CTNNB1: variants seen among roughly 807,000 people sequenced by gnomAD.
CTNNB1 encodes the protein catenin beta 1, also known as catenin beta-1.
A neutral mutation model predicts 82.5 loss-of-function variants in CTNNB1; 6 were observed. The observed-to-expected ratio is 0.07, with a 90% CI of 0.04 to 0.14. CTNNB1 has a LOEUF of 0.14. CTNNB1 is among the 10% of genes least tolerant of loss of function. The pLI is 1.00. For synonymous variants in CTNNB1, 312 were observed against 329.7 expected (o/e 0.95, Z 0.58); for missense variants, 529 against 980.4 (o/e 0.54, Z 6.15).
intron 1 of CTNNB1, among the ~76,000 whole-genome samples, chr3:41,213,336 T>TA (rs1442347628): frequency 6.6e-6 from 1 of 152,242 alleles, no homozygotes; most frequent in Non-Finnish European, 1.5e-5. Context: ...GCTTACATGT[T>TA]ACCTTCAAGA....
At chr3:41,221,370 C>G (rs1482427189) in intron 1 of CTNNB1, 1 of 149,132 alleles carries the variant, frequency 6.7e-6, no homozygotes, top group Non-Finnish European at 1.5e-5. Flanking sequence ...TTTTAAGAGA[C>G]AGGGTCTTGC....
At chr3:41,236,826 G>C in intron 13 of CTNNB1, 117 bp downstream of exon 13, 1 of 1,384,236 alleles carries the variant, frequency 7.2e-7, no homozygotes, top group Admixed American at 1.7e-5. Context: ...TCCCTGGCTT[G>C]AGTATTTCTT....
Position 41,240,089 on chromosome 3 carries a change from TTGAG to T in CTNNB1, c.*749_*752del, listed in dbSNP as rs1283123354. 2 of 187,170 alleles carry T rather than the reference TTGAG, an allele frequency of 1.1e-5. No homozygotes were observed. Among genetic ancestry groups the T allele is most frequent in the East Asian group, 7.4e-5 (1 of 13,444 alleles). The allele number at this position is 187,170 out of a possible 1,614,324, so 11.6% of individuals were successfully genotyped here. ...TACAGCAATTTCTAATTTTTAAGAA[TTGAG>T]TAATGGTGTAGAACACTAATTCATA... is the stretch of plus-strand genomic sequence containing the variant. On this transcript the variant is annotated 3_prime_UTR_variant, in exon 15 of 15. Coordinates refer to ENST00000349496, the MANE Select transcript of CTNNB1 (RefSeq NM_001904.4).
chr3:41,224,666 C>G lies in CTNNB1; in HGVS notation c.154C>G (p.Pro52Ala). 1 of 1,613,922 alleles carries G rather than the reference C, an allele frequency of 6.2e-7. No homozygotes were observed. The highest frequency in any genetic ancestry group is 8.5e-7 in the Non-Finnish European group (1 of 1,179,968). Residue 52 changes from proline to alanine, a missense_variant, in exon 3 of 15, where the codon CCT becomes GCT. Physicochemically the swap from Pro to Ala is conservative, Grantham distance 27. Transcript: ENST00000349496. ...TAPSLSGKGNPEEEDVDTSQV... is the reference protein window; with the variant it reads ...TAPSLSGKGNAEEEDVDTSQV... The stretch of plus-strand genomic sequence containing the variant: ...TCCTTCTCTGAGTGGTAAAGGCAAT[C>G]CTGAGGAAGAGGATGTGGATACCTC...
At chr3:41,222,408 T>C (rs924623232) in intron 1 of CTNNB1, 15 of 152,352 alleles carry the variant, frequency 9.8e-5, no homozygotes, top group African/African-American at 3.1e-4. Flanking sequence ...TTTACTTCTC[T>C]ATCTACTGAT....
At position 41,239,429 on chromosome 3, in the gene CTNNB1, G is replaced by GTAGGGTGGGAGTGGTT. The variant is rs2078521131; in HGVS notation, c.*92_*107dup. On this transcript the variant is annotated 3_prime_UTR_variant, in exon 15 of 15. Coordinates refer to ENST00000349496, the MANE Select transcript of CTNNB1 (RefSeq NM_001904.4). ...ACAGAACTTCAGAAAGACTTGGTTG[G>GTAGGGTGGGAGTGGTT]TAGGGTGGGAGTGGTTTAGGCTATT... 2.4e-6 allele frequency: 3 copies of GTAGGGTGGGAGTGGTT among 1,242,800 alleles called. No individual in the cohort carries two copies. Among genetic ancestry groups the GTAGGGTGGGAGTGGTT allele is most frequent in the Non-Finnish European group, 3.5e-6 (3 of 869,400 alleles). The allele number at this position is 1,242,800 out of a possible 1,614,324, so 77.0% of individuals were successfully genotyped here.
In CTNNB1 at chr3:41,225,816, G is replaced by A. The variant is rs370662884; in HGVS notation, c.891G>A (p.Thr297=). The A allele has an allele frequency of 8.0e-5, 129 of 1,613,824 alleles. No homozygotes were observed. Among genetic ancestry groups the A allele is most frequent in the Middle Eastern group, 1.7e-4 (1 of 6,056 alleles). Residue 297 remains threonine (T), a synonymous_variant, in exon 6 of 15, where the codon ACG becomes ACA. Coordinates refer to ENST00000349496, the MANE Select transcript of CTNNB1 (RefSeq NM_001904.4). This position sits in a 1 kb window ranked among gnomAD's most constrained non-coding sequence, Gnocchi z 5.3. ...CAAATGTTAAATTCTTGGCTATTAC[G>A]ACAGACTGCCTTCAAATTTTAGCTT... The part of the protein sequence containing the change: ...NKTNVKFLAI[T]TDCLQILAYG...
At position 41,240,338 on chromosome 3, in the gene CTNNB1, A is replaced by AC. The variant is rs1412383992; in HGVS notation, c.*998dup. Reference sequence around the variant, plus strand: ...TTTGGAACCTTGTTTTGGACAGTTTACCAGTTGCCTTTTATCCCAAAGTTG... The same window carrying AC: ...TTTGGAACCTTGTTTTGGACAGTTTACCCAGTTGCCTTTTATCCCAAAGTTG... On this transcript the variant is annotated 3_prime_UTR_variant, in exon 15 of 15. Transcript: ENST00000349496. 5.3e-6 allele frequency: 1 copy of AC among 189,976 alleles called. No homozygotes were observed. Among genetic ancestry groups the AC allele is most frequent in the Non-Finnish European group, 1.1e-5 (1 of 90,180 alleles). 11.8% of individuals were successfully genotyped at this position (189,976 alleles called of 1,614,324 possible).
chr3:41,222,684 A>G (rs2078076800), intron 1 of CTNNB1, among the ~76,000 whole-genome samples: 1 of 152,226 alleles, frequency 6.6e-6, no homozygotes, highest in Non-Finnish European at 1.5e-5. Context: ...TGCATCAACA[A>G]CAAGGAAAAA....
chr3:41,216,916 G>A (rs2077928670), intron 1 of CTNNB1, among the ~76,000 whole-genome samples: 1 of 151,946 alleles, frequency 6.6e-6, no homozygotes, highest in African/African-American at 2.4e-5. Flanking sequence ...GACAACTACA[G>A]TAACCTCCTA....
chr3:41,228,408 C>T (rs940696109), intron 7 of CTNNB1, among the ~76,000 whole-genome samples: 7 of 152,092 alleles, frequency 4.6e-5, no homozygotes, highest in African/African-American at 1.7e-4. Flanking sequence ...TATTAGTAGC[C>T]ATTCTAACTG....
chr3:41,224,877 C>T, intron 3 of CTNNB1, 77 bp from the exon 4 acceptor site: 1 of 1,609,952 alleles, frequency 6.2e-7, no homozygotes, highest in Non-Finnish European at 8.5e-7. Context: ...AGCAATGTCA[C>T]TTTTACCATT....
chr3:41,220,717 T>G (rs925673993), intron 1 of CTNNB1: 4 of 152,214 alleles, frequency 2.6e-5, no homozygotes, highest in Non-Finnish European at 5.9e-5. Flanking sequence ...GGAATAATTC[T>G]TTGGATCTTG....
intron 1 of CTNNB1, among the ~76,000 whole-genome samples, chr3:41,200,745 C>G (rs948227009): frequency 1.3e-5 from 2 of 152,170 alleles, no homozygotes; most frequent in African/African-American, 2.4e-5. Flanking sequence ...AAGTTAAGTT[C>G]CTATAGCCTG....
chr3:41,238,478 G>A (rs1399319871), intron 14 of CTNNB1: 1 of 200,030 alleles, frequency 5.0e-6, no homozygotes, highest in Non-Finnish European at 1.0e-5. Context: ...TATCATCAGG[G>A]TTTTCTTGAA....
In CTNNB1 at chr3:41,239,985, TC is replaced by T. The variant is rs1174412872; in HGVS notation, c.*644del. The T allele has an allele frequency of 8.1e-4, 91 of 112,404 alleles. No individual in the cohort carries two copies. The highest frequency in any genetic ancestry group is 3.7e-3 in the African/African-American group (73 of 19,996). The allele number at this position is 112,404 out of a possible 1,614,324, so 7.0% of individuals were successfully genotyped here. On this transcript the variant is annotated 3_prime_UTR_variant, in exon 15 of 15. Coordinates refer to ENST00000349496, the MANE Select transcript of CTNNB1 (RefSeq NM_001904.4). The stretch of plus-strand genomic sequence containing the variant: ...CTGACTTTGCTTGCTTTGAAGTAGC[TC>T]TTTTTTTTTTTTTTTTTTTTTTTTT...
intron 1 of CTNNB1, among the ~76,000 whole-genome samples, chr3:41,206,196 T>C (rs1416403572): frequency 2.6e-5 from 4 of 152,204 alleles, no homozygotes; most frequent in African/African-American, 9.7e-5. Context: ...GTAACAGATA[T>C]GTTAAACCGT....
intron 7 of CTNNB1, among the ~76,000 whole-genome samples, chr3:41,229,005 TTTAC>T (rs2078241910): frequency 6.6e-6 from 1 of 151,938 alleles, no homozygotes; most frequent in Non-Finnish European, 1.5e-5. Flanking sequence ...CTTGTTTTTG[TTTAC>T]TTGTTAGGTG....
intron 1 of CTNNB1, among the ~76,000 whole-genome samples, chr3:41,210,084 A>G (rs1205060173): frequency 1.3e-5 from 2 of 152,228 alleles, no homozygotes; most frequent in Non-Finnish European, 2.9e-5. Context: ...CAGCTGTACA[A>G]AAATTTTCTT....
Sources: allele counts gnomAD v4.1 joint callset (sites outside exome capture counted in the v4.1 genomes callset), GRCh38; gene constraint gnomAD v4.1.1; non-coding constraint Gnocchi (gnomAD v3.1); transcripts MANE v1.5; gene names NCBI Gene and HGNC (gene_info 2026-07-23, HGNC 2026-07-21).